The following GLYATL1 variants were observed in gnomAD, a reference collection of about 807,000 sequenced individuals.
The protein encoded by GLYATL1 is glycine-N-acyltransferase like 1.
GLYATL1 carries 15 observed loss-of-function variants against 20.0 expected under a neutral mutation model. The observed-to-expected ratio is 0.75, with a 90% CI of 0.50 to 1.15. The LOEUF is 1.15. GLYATL1 is among the 50% of genes most tolerant of loss of function. GLYATL1 has a pLI of 0.00. For missense variants in GLYATL1, 380 were observed against 368.5 expected, an observed-to-expected ratio of 1.03 and a Z score of -0.26; for synonymous variants, 151 against 131.5, an observed-to-expected ratio of 1.15 and a Z score of -1.01.
upstream of GLYATL1, among the ~76,000 whole-genome samples, chr11:58,924,284 G>A (rs1855374707): frequency 6.6e-6 from 1 of 152,208 alleles, no homozygotes; most frequent in Admixed American, 6.5e-5. Flanking sequence ...TCCATTAGGG[G>A]GCAATATCTT....
chr11:58,938,186 G>A (rs576744180), upstream of GLYATL1, among the ~76,000 whole-genome samples: 1 of 152,344 alleles, frequency 6.6e-6, no homozygotes, highest in East Asian at 1.9e-4. Context: ...TTGGCAGTGT[G>A]TAATTTATGG....
intron 4 of GLYATL1, among the ~76,000 whole-genome samples, chr11:58,950,630 CA>C (rs1292830867): frequency 6.6e-6 from 1 of 152,176 alleles, no homozygotes; most frequent in Non-Finnish European, 1.5e-5. Context: ...TTATTCTAAG[CA>C]GGCAATGCCA....
Position 58,921,071 on chromosome 11 carries a change from CCTT to C in GLYATL1, n.264+15413_264+15415del, listed in dbSNP as rs369409490. Among the ~76,000 whole-genome samples, 147 of 152,290 alleles carry C rather than the reference CCTT, an allele frequency of 9.7e-4. 1 individual carries two copies. Among genetic ancestry groups the C allele is most frequent in the African/African-American group, 3.4e-3 (141 of 41,550 alleles). On this transcript the variant is annotated intron_variant and non_coding_transcript_variant, in intron 1 of 2. Coordinates refer to the GLYATL1 transcript ENST00000534674. ...AACGCTTCTTTGATTGTTTTTAAGG[CCTT>C]CTCCTAATTGGCCTCCCAGAGGAGG...
chr11:58,955,242 A>T lies in GLYATL1; in HGVS notation c.380A>T (p.His127Leu). Residue 127 changes from histidine to leucine, a missense_variant, in exon 6 of 7, where the codon CAT becomes CTT. Transcript: ENST00000532726. ...ATFSKSVKVE[H>L]SRALLLVTED... ...TTTTCAAAGTCAGTGAAAGTAGAGC[A>T]TTCGAGAGCACTCCTCTTGGTTACG... The T allele has an allele frequency of 6.2e-7, 1 of 1,614,162 alleles. No homozygotes were observed. Among genetic ancestry groups the T allele is most frequent in the East Asian group, 2.2e-5 (1 of 44,882 alleles).
intron 1 of GLYATL1, among the ~76,000 whole-genome samples, chr11:58,930,264 A>T (rs994336098): frequency 2.0e-5 from 3 of 152,366 alleles, no homozygotes; most frequent in Admixed American, 1.3e-4. Flanking sequence ...TCTCACAAGG[A>T]ACATAATGTG....
chr11:58,945,111 G>A (rs1440511972), intron 2 of GLYATL1, among the ~76,000 whole-genome samples: 1 of 150,828 alleles, frequency 6.6e-6, no homozygotes, highest in Non-Finnish European at 1.5e-5. Context: ...GTGATTTCAT[G>A]GGTATAGTTG....
At chr11:58,921,340 A>C (rs531995022) in intron 1 of GLYATL1, among the ~76,000 whole-genome samples, 1 of 152,238 alleles carries the variant, frequency 6.6e-6, no homozygotes, top group South Asian at 2.1e-4. Context: ...GGTGTCTACC[A>C]TAAGGTCCAT....
upstream of GLYATL1, among the ~76,000 whole-genome samples, chr11:58,926,070 CACAT>C (rs561077281): frequency 9.2e-5 from 14 of 152,302 alleles, no homozygotes; most frequent in East Asian, 2.7e-3. Context: ...TGGATACACA[CACAT>C]ATCTTAGTTT....
chr11:58,915,700 G>A (rs548236462), intron 1 of GLYATL1, among the ~76,000 whole-genome samples: 3 of 152,308 alleles, frequency 2.0e-5, no homozygotes, highest in South Asian at 2.1e-4. Context: ...CTCAGACACC[G>A]ATTGGGACTG....
chr11:58,907,335 T>G (rs1565115078), exon 2 of GLYATL1: 1 of 456,308 alleles, frequency 2.2e-6, no homozygotes, highest in Non-Finnish European at 4.4e-6. Context: ...TTTGTCTTGC[T>G]GCCCTTCCTT....
At chr11:58,945,077 T>C (rs536682820) in intron 2 of GLYATL1, among the ~76,000 whole-genome samples, 1 of 149,356 alleles carries the variant, frequency 6.7e-6, no homozygotes, top group African/African-American at 2.4e-5. Context: ...AGCCAGGGGC[T>C]AGGGAGAGAG....
chr11:58,930,455 A>G (rs1174938502), intron 1 of GLYATL1, among the ~76,000 whole-genome samples: 1 of 152,242 alleles, frequency 6.6e-6, no homozygotes, highest in Admixed American at 6.5e-5. Flanking sequence ...TATTCATGAA[A>G]TATCCACAGA....
downstream of GLYATL1, among the ~76,000 whole-genome samples, chr11:58,910,297 G>A (rs1029110262): frequency 2.6e-5 from 4 of 152,062 alleles, no homozygotes; most frequent in Admixed American, 1.3e-4. Context: ...CTTTATCTTT[G>A]TATTGCTTAG....
chr11:58,956,150 C>A lies in GLYATL1; in HGVS notation c.*123C>A. 1.2e-6 allele frequency: 1 copy of A among 834,762 alleles called. No individual in the cohort carries two copies. The highest frequency in any genetic ancestry group is 1.9e-6 in the Non-Finnish European group (1 of 537,726). 51.7% of individuals were successfully genotyped at this position (834,762 alleles called of 1,614,324 possible). A position where few individuals can be genotyped will look rare whatever the true frequency, so the allele number is the denominator to read the frequency against. On this transcript the variant is annotated 3_prime_UTR_variant, in exon 7 of 7. Transcript: ENST00000532726. ...CTTATAATACAGCAGGAACTCTTCT[C>A]ACCTGGAGCCTTGATGTTAAAAGAC...
chr11:58,918,340 T>G (rs764123435), intron 1 of GLYATL1, among the ~76,000 whole-genome samples: 1 of 152,256 alleles, frequency 6.6e-6, no homozygotes, highest in Non-Finnish European at 1.5e-5. Context: ...AATTTTCACA[T>G]CTTGGCAGTC....
intron 4 of GLYATL1, among the ~76,000 whole-genome samples, chr11:58,951,590 A>G (rs1336811753): frequency 1.3e-5 from 2 of 152,104 alleles, no homozygotes; most frequent in Admixed American, 1.3e-4. Flanking sequence ...TTTTTCGACA[A>G]TTTTGGAAGA....
In GLYATL1 at chr11:58,947,165, G is replaced by A; in HGVS notation, c.78G>A (p.Lys26=). 1 of 1,612,972 alleles carries A rather than the reference G, an allele frequency of 6.2e-7. No homozygotes were observed. Among genetic ancestry groups the A allele is most frequent in the Non-Finnish European group, 8.5e-7 (1 of 1,179,108 alleles). ...CCAGGAGCATCCCTGAGTCCCTGAA[G>A]GTCAGGGAACAGTGGGAGGTCAGGG... ...SLARSIPESL[K]VYGSVYHINH... The change falls in exon 3 of 7, where the codon AAG becomes AAA. Residue 26 remains lysine (K), a splice_region_variant and synonymous_variant. Coordinates refer to ENST00000532726, the MANE Select transcript of GLYATL1 (RefSeq NM_001389712.2).
At chr11:58,915,574 C>A (rs1855152055) in intron 1 of GLYATL1, among the ~76,000 whole-genome samples, 1 of 152,198 alleles carries the variant, frequency 6.6e-6, no homozygotes, top group Non-Finnish European at 1.5e-5. Flanking sequence ...CCAGCAAGAT[C>A]AACACAATCT....
chr11:58,932,110 CAAAAAA>C (rs5792141), intron 1 of GLYATL1, among the ~76,000 whole-genome samples: 2 of 61,496 alleles, frequency 3.3e-5, no homozygotes, highest in Non-Finnish European at 5.4e-5. Flanking sequence ...GACCCCTTCT[CAAAAAA>C]AAAAAAAAAA....
Sources: gnomAD v4.1 joint callset for allele counts (sites outside exome capture counted in the v4.1 genomes callset) on GRCh38, gnomAD v4.1.1 for gene constraint, MANE v1.5 for transcripts, NCBI Gene and HGNC (gene_info 2026-07-23, HGNC 2026-07-21) for gene names.